NCKAP5: variants seen among roughly 807,000 people sequenced by gnomAD.
NCKAP5 encodes nck-associated protein 5.
In NCKAP5, 92 loss-of-function variants were observed where a neutral mutation model predicts 167.0. The observed-to-expected ratio is 0.55, with a 90% CI of 0.47 to 0.66. The LOEUF is 0.66. NCKAP5 is among the 30% of genes least tolerant of loss of function. The probability of loss-of-function intolerance (pLI) is 0.00; values close to 1 mark genes in which losing one functional copy is unlikely to be tolerated. For synonymous variants in NCKAP5, 891 were observed against 877.4 expected (o/e 1.02, Z -0.27); for missense variants, 2,378 against 2,315.0 (o/e 1.03, Z -0.56).
chr2:133,011,848 G>C (rs1314524927), intron 6 of NCKAP5, among the ~76,000 whole-genome samples: 2 of 152,014 alleles, frequency 1.3e-5, no homozygotes, highest in Non-Finnish European at 2.9e-5. Flanking sequence ...TACTCTTCAG[G>C]GGAATTCAAT....
At chr2:133,552,430 T>A in intron 2 of NCKAP5, among the ~76,000 whole-genome samples, 1 of 145,354 alleles carries the variant, frequency 6.9e-6, no homozygotes, top group African/African-American at 2.6e-5. Context: ...AAATGATGAG[T>A]TCGTGTCCTT....
intron 2 of NCKAP5, among the ~76,000 whole-genome samples, chr2:133,555,252 C>A (rs1342717239): frequency 6.6e-6 from 1 of 152,206 alleles, no homozygotes; most frequent in East Asian, 1.9e-4. Flanking sequence ...TCACTCAATT[C>A]CACCACTGTC....
intron 19 of NCKAP5, among the ~76,000 whole-genome samples, chr2:132,721,013 C>CAAAA (rs60864377): frequency 7.4e-6 from 1 of 135,646 alleles, no homozygotes. Context: ...GACTCCATCT[C>CAAAA]AAAAAAAAAA....
Position 133,128,598 on chromosome 2 carries a change from C to CT in NCKAP5, c.341+1379dup, listed in dbSNP as rs1183539432. On this transcript the variant is annotated intron_variant, in intron 6 of 19. Coordinates refer to ENST00000409261, the MANE Select transcript of NCKAP5 (RefSeq NM_207363.3). ...AGATTCTAGTGATCTCTCTCTCTCTCTTTTTTTTTTTGTTTTTGTAATGGA... is the reference window on the plus strand; with the variant it reads ...AGATTCTAGTGATCTCTCTCTCTCTCTTTTTTTTTTTTGTTTTTGTAATGGA... 1.1e-3 allele frequency among the ~76,000 whole-genome samples: 160 copies of CT among 144,076 alleles called. 1 individual carries two copies. The highest frequency in any genetic ancestry group is 3.2e-3 in the East Asian group (16 of 5,018). 94.5% of individuals were successfully genotyped at this position (144,076 alleles called of 152,430 possible).
chr2:133,358,649 T>C (rs1362809620), intron 3 of NCKAP5, among the ~76,000 whole-genome samples: 1 of 152,222 alleles, frequency 6.6e-6, no homozygotes, highest in Non-Finnish European at 1.5e-5. Flanking sequence ...ATCATTTCAA[T>C]GTTCTGTTGT....
At chr2:133,631,162 C>T in the NCKAP5 span, among the ~76,000 whole-genome samples, 1 of 152,116 alleles carries the variant, frequency 6.6e-6, no homozygotes, top group Non-Finnish European at 1.5e-5. Flanking sequence ...ATAATAGAAA[C>T]ATACGTAAAG....
At chr2:132,953,119 A>C (rs1558983411) in intron 8 of NCKAP5, among the ~76,000 whole-genome samples, 1 of 152,184 alleles carries the variant, frequency 6.6e-6, no homozygotes, top group African/African-American at 2.4e-5. Flanking sequence ...CTAAGTAACC[A>C]ACAGTGAGGA....
intron 7 of NCKAP5, among the ~76,000 whole-genome samples, chr2:132,966,627 T>C (rs2076677095): frequency 1.3e-5 from 2 of 152,208 alleles, no homozygotes; most frequent in Admixed American, 1.3e-4. Context: ...TCTGGTCACA[T>C]TTTCATTAAC....
At chr2:133,136,400 G>A (rs2082786691) in intron 5 of NCKAP5, among the ~76,000 whole-genome samples, 1 of 152,102 alleles carries the variant, frequency 6.6e-6, no homozygotes. Flanking sequence ...ACATTATGTG[G>A]CATATATTTG....
At chr2:133,603,220 T>C in the NCKAP5 span, among the ~76,000 whole-genome samples, 1 of 116,682 alleles carries the variant, frequency 8.6e-6, no homozygotes, top group African/African-American at 4.3e-5. Context: ...TTTTTTTTCT[T>C]TTTCTTTCTT....
chr2:132,727,724 G>C (rs1690599125), intron 18 of NCKAP5, among the ~76,000 whole-genome samples: 1 of 152,176 alleles, frequency 6.6e-6, no homozygotes, highest in Admixed American at 6.5e-5. Context: ...AGAGGGCCCA[G>C]TTCCAGTCTC....
At position 132,781,048 on chromosome 2, in the gene NCKAP5, T is replaced by A. The variant is rs750496812; in HGVS notation, c.5049+4A>T. 4.3e-6 allele frequency: 7 copies of A among 1,613,024 alleles called. No homozygotes were observed. Among genetic ancestry groups the A allele is most frequent in the Non-Finnish European group, 5.1e-6 (6 of 1,179,434 alleles). On this transcript the variant is annotated splice_donor_region_variant and intron_variant, in intron 15 of 19. Coordinates refer to ENST00000409261, the MANE Select transcript of NCKAP5 (RefSeq NM_207363.3). ...ACTTGATACCAGGATGGTGGAGCAC[T>A]TACCAGGGAGTCTTTTGGTACTTCC...
intron 3 of NCKAP5, among the ~76,000 whole-genome samples, chr2:133,390,332 C>G (rs1687308302): frequency 6.6e-6 from 1 of 152,164 alleles, no homozygotes; most frequent in South Asian, 2.1e-4. Flanking sequence ...CCAGTGATGA[C>G]TAGCTCCTTG....
In NCKAP5 at chr2:133,210,161, A is replaced by C. The variant is rs1412523393; in HGVS notation, c.207+3555T>G. Among the ~76,000 whole-genome samples the C allele has an allele frequency of 4.0e-5, 6 of 150,184 alleles. No individual in the cohort carries two copies. The East Asian group carries it at 1.2e-3, about 29-fold the overall frequency. On this transcript the variant is annotated intron_variant, in intron 5 of 19. Transcript: ENST00000409261. ...GTCTGGGCAACAAGAGTGAAACTCC[A>C]TCTCAAAAATAAATAATATAATATA...
intron 3 of NCKAP5, among the ~76,000 whole-genome samples, chr2:133,335,378 T>C (rs1211641393): frequency 6.6e-6 from 1 of 152,234 alleles, no homozygotes; most frequent in Non-Finnish European, 1.5e-5. Context: ...GACTATTAAT[T>C]GGGTGCTTTA....
chr2:133,424,859 C>T (rs1270291691), intron 3 of NCKAP5, among the ~76,000 whole-genome samples: 1 of 152,060 alleles, frequency 6.6e-6, no homozygotes, highest in Non-Finnish European at 1.5e-5. Flanking sequence ...AAGGGCAAAC[C>T]AGCCTCCATA....
At position 132,767,523 on chromosome 2, in the gene NCKAP5, C is replaced by A. The variant is rs371207936; in HGVS notation, c.5128+6293G>T. On this transcript the variant is annotated intron_variant, in intron 16 of 19. Transcript: ENST00000409261. ...GGCCTCCTAGTGCTGGGATTACAGG[C>A]GTGAGCCACCGCGCCTGGCCTGAGT... is the stretch of plus-strand genomic sequence containing the variant. Among the ~76,000 whole-genome samples, 12 of 152,290 alleles carry A rather than the reference C, an allele frequency of 7.9e-5. No homozygotes were observed. In the East Asian group the frequency reaches 1.9e-3, roughly 25 times the overall value.
chr2:133,256,012 G>A (rs561470840), intron 4 of NCKAP5, among the ~76,000 whole-genome samples: 11 of 152,060 alleles, frequency 7.2e-5, no homozygotes, highest in South Asian at 2.1e-4. Flanking sequence ...AATAAACATC[G>A]TGCTTCCTAT....
At chr2:132,908,057 C>T (rs931765237) in intron 8 of NCKAP5, among the ~76,000 whole-genome samples, 2 of 152,164 alleles carry the variant, frequency 1.3e-5, no homozygotes, top group Non-Finnish European at 2.9e-5. Flanking sequence ...AGCAACTCCT[C>T]CTATACCTAG....
Sources: allele counts gnomAD v4.1 joint callset (sites outside exome capture counted in the v4.1 genomes callset), GRCh38; gene constraint gnomAD v4.1.1; transcripts MANE v1.5; gene names NCBI Gene and HGNC (gene_info 2026-07-23, HGNC 2026-07-21).